SV2B: variants seen among roughly 807,000 people sequenced by gnomAD.
The protein encoded by SV2B is solute carrier family 22 member B2.
A neutral mutation model predicts 73.9 loss-of-function variants in SV2B; 41 were observed. That is an observed-to-expected ratio of 0.56 (90% confidence interval 0.43 to 0.72). SV2B has a LOEUF of 0.72. SV2B is among the 30% of genes least tolerant of loss of function. The pLI is 0.00. For missense variants in SV2B, 764 were observed against 857.8 expected, an observed-to-expected ratio of 0.89 and a Z score of 1.37; for synonymous variants, 314 against 314.2, an observed-to-expected ratio of 1.00 and a Z score of 0.01.
chr15:91,250,282 G>A (rs1407083240), intron 2 of SV2B, among the ~76,000 whole-genome samples: 1 of 152,134 alleles, frequency 6.6e-6, no homozygotes, highest in Non-Finnish European at 1.5e-5. Context: ...CATCTTAATA[G>A]ATGCAGAAAA....
chr15:91,110,008 A>G lies in SV2B; in HGVS notation c.-392+9645A>G, dbSNP rs533832552. 5.3e-5 allele frequency among the ~76,000 whole-genome samples: 8 copies of G among 152,310 alleles called. No homozygotes were observed. The highest frequency in any genetic ancestry group is 1.9e-4 in the African/African-American group (8 of 41,574). ...CCAAAGTGCTGGGATTACAGGCATG[A>G]ACCACTGCATCCACCTCGGAAATAG... On this transcript the variant is annotated intron_variant, in intron 1 of 12. Coordinates refer to ENST00000394232, the MANE Select transcript of SV2B (RefSeq NM_001323032.3). The surrounding 1 kb of genome is among the most constrained non-coding windows in gnomAD (Gnocchi z 5.4).
rs781492337 is a variant in SV2B, at chr15:91,251,940, C to T, written c.573C>T (p.Leu191=). 3.7e-6 allele frequency: 6 copies of T among 1,614,176 alleles called. No individual in the cohort carries two copies. The highest frequency in any genetic ancestry group is 1.6e-4 in the Middle Eastern group (1 of 6,062). ...SLAVNASFAS[L]SSFVQGYGAF... The stretch of plus-strand genomic sequence containing the variant: ...CCGTCAATGCCTCCTTCGCCTCCCT[C>T]TCTTCCTTCGTGCAGGGATATGGAG... The change falls in exon 3 of 13, where the codon CTC becomes CTT. Residue 191 remains leucine, a synonymous_variant. Coordinates refer to ENST00000394232, the MANE Select transcript of SV2B (RefSeq NM_001323032.3).
At position 91,284,365 on chromosome 15, in the gene SV2B, G is replaced by A. The variant is rs2048790535; in HGVS notation, c.1708+144G>A. On this transcript the variant is annotated intron_variant, in intron 11 of 12. Transcript: ENST00000394232. The surrounding 1 kb of genome is among the most constrained non-coding windows in gnomAD (Gnocchi z 4.5). ...GTAAGATTGCACCCAGGGCTATAGA[G>A]CCAAGGATGTGTGCCTACAGAAGAC... is the stretch of plus-strand genomic sequence containing the variant. 1.1e-6 allele frequency: 1 copy of A among 889,094 alleles called. No homozygotes were observed. Among genetic ancestry groups the A allele is most frequent in the Non-Finnish European group, 1.7e-6 (1 of 595,632 alleles). The allele number at this position is 889,094 out of a possible 1,614,324, so 55.1% of individuals were successfully genotyped here.
Position 91,258,262 on chromosome 15 carries a change from CAG to C in SV2B, c.785-157_785-156del, listed in dbSNP as rs948651764. On this transcript the variant is annotated intron_variant, in intron 4 of 12. Transcript: ENST00000394232. The surrounding 1 kb of genome is among the most constrained non-coding windows in gnomAD (Gnocchi z 4.7). ...CAGCTCCTATCCCAGGCTTATGACT[CAG>C]AAGCTTCGGAGGCACAGCTGAGGAG... 6.6e-6 allele frequency among the ~76,000 whole-genome samples: 1 copy of C among 152,192 alleles called. No homozygotes were observed. The highest frequency in any genetic ancestry group is 2.4e-5 in the African/African-American group (1 of 41,440).
Position 91,194,756 on chromosome 15 carries a change from C to G in SV2B, c.-391-31117C>G, listed in dbSNP as rs552279521. 6.6e-5 allele frequency among the ~76,000 whole-genome samples: 10 copies of G among 152,302 alleles called. No homozygotes were observed. In the East Asian group the frequency reaches 1.9e-3, roughly 29 times the overall value. ...TTGGGTTTAGGTCCTGATGCTGTTA[C>G]TCCTTGTGGTGGGCTGTACTACTTG... On this transcript the variant is annotated intron_variant, in intron 1 of 12. Transcript: ENST00000394232.
chr15:91,151,100 G>A (rs1350498839), intron 1 of SV2B, among the ~76,000 whole-genome samples: 1 of 152,238 alleles, frequency 6.6e-6, no homozygotes, highest in Non-Finnish European at 1.5e-5. Flanking sequence ...CCATGAGCGT[G>A]GAGCTCTGCC....
At position 91,261,355 on chromosome 15, in the gene SV2B, C is replaced by T. The variant is rs1204535058; in HGVS notation, c.1008+946C>T. Among the ~76,000 whole-genome samples the T allele has an allele frequency of 1.3e-5, 2 of 152,104 alleles. No individual in the cohort carries two copies. The highest frequency in any genetic ancestry group is 2.9e-5 in the Non-Finnish European group (2 of 68,006). ...ACATATTATTTAATAGTATAGCACTCATTATTGTTTTATATGCTGTCTCCT... is the reference window on the plus strand; with the variant it reads ...ACATATTATTTAATAGTATAGCACTTATTATTGTTTTATATGCTGTCTCCT... On this transcript the variant is annotated intron_variant, in intron 6 of 12. Coordinates refer to ENST00000394232, the MANE Select transcript of SV2B (RefSeq NM_001323032.3). The surrounding 1 kb of genome is among the most constrained non-coding windows in gnomAD (Gnocchi z 4.7).
Position 91,242,005 on chromosome 15 carries a change from C to G in SV2B, c.452-9814C>G, listed in dbSNP as rs770319631. On this transcript the variant is annotated intron_variant, in intron 2 of 12. Coordinates refer to ENST00000394232, the MANE Select transcript of SV2B (RefSeq NM_001323032.3). The surrounding 1 kb of genome is among the most constrained non-coding windows in gnomAD (Gnocchi z 4.9). Reference sequence around the variant, plus strand: ...AAGCAGGAGTTAATCCTCGCCTCTTCAGAAACCTGCTCTTGTCTAGATCAC... The same window carrying G: ...AAGCAGGAGTTAATCCTCGCCTCTTGAGAAACCTGCTCTTGTCTAGATCAC... Among the ~76,000 whole-genome samples, 8 of 135,922 alleles carry G rather than the reference C, an allele frequency of 5.9e-5. No individual in the cohort carries two copies. The highest frequency in any genetic ancestry group is 9.1e-5 in the Non-Finnish European group (6 of 65,922). The allele number at this position is 135,922 out of a possible 152,430, so 89.2% of individuals were successfully genotyped here. A position where few individuals can be genotyped will look rare whatever the true frequency, so the allele number is the denominator to read the frequency against.
chr15:91,111,440 G>T (rs1057227124), intron 1 of SV2B, among the ~76,000 whole-genome samples: 2 of 152,220 alleles, frequency 1.3e-5, no homozygotes, highest in African/African-American at 4.8e-5. Context: ...AGAGTACAAG[G>T]TGGGGAGGTA....
intron 1 of SV2B, among the ~76,000 whole-genome samples, chr15:91,180,675 T>G (rs1347024117): frequency 6.6e-6 from 1 of 152,268 alleles, no homozygotes; most frequent in African/African-American, 2.4e-5. Context: ...TTTCTTCCAG[T>G]TGATCGCATC....
In SV2B at chr15:91,224,889, T is replaced by A. The variant is rs1298160209; in HGVS notation, c.-391-984T>A. On this transcript the variant is annotated intron_variant, in intron 1 of 12. Transcript: ENST00000394232. The surrounding 1 kb of genome is among the most constrained non-coding windows in gnomAD (Gnocchi z 4.9). ...AATGAGAATCCACTGGGCAAAGGAG[T>A]CAACAGAGGGACTCTGATTGGAATT... is the stretch of plus-strand genomic sequence containing the variant. Among the ~76,000 whole-genome samples the A allele has an allele frequency of 6.6e-6, 1 of 151,834 alleles. No individual in the cohort carries two copies. The highest frequency in any genetic ancestry group is 1.5e-5 in the Non-Finnish European group (1 of 67,968).
rs996669444 is a variant in SV2B, at chr15:91,239,344, C to T, written c.452-12475C>T. 8.6e-5 allele frequency among the ~76,000 whole-genome samples: 13 copies of T among 151,918 alleles called. No homozygotes were observed. The highest frequency in any genetic ancestry group is 1.8e-4 in the Non-Finnish European group (12 of 67,998). On this transcript the variant is annotated intron_variant, in intron 2 of 12. Coordinates refer to ENST00000394232, the MANE Select transcript of SV2B (RefSeq NM_001323032.3). This position sits in a 1 kb window ranked among gnomAD's most constrained non-coding sequence, Gnocchi z 5.1. ...GCCTTGTCCTCTCTGCCTCACCTCTCGGTGGGTCCTAGAAAAGGAAGTCTT... is the reference window on the plus strand; with the variant it reads ...GCCTTGTCCTCTCTGCCTCACCTCTTGGTGGGTCCTAGAAAAGGAAGTCTT...
Position 91,268,733 on chromosome 15 carries a change from T to C in SV2B, c.1373+128T>C. Reference sequence around the variant, plus strand: ...ATGAGCGCCAAGGCTGGTGTCATCATCACAACCTGTCATGGCTGCCAGTGA... The same window carrying C: ...ATGAGCGCCAAGGCTGGTGTCATCACCACAACCTGTCATGGCTGCCAGTGA... On this transcript the variant is annotated intron_variant, in intron 9 of 12. Coordinates refer to ENST00000394232, the MANE Select transcript of SV2B (RefSeq NM_001323032.3). This position sits in a 1 kb window ranked among gnomAD's most constrained non-coding sequence, Gnocchi z 4.4. 1 of 1,225,408 alleles carries C rather than the reference T, an allele frequency of 8.2e-7. No individual in the cohort carries two copies. Among genetic ancestry groups the C allele is most frequent in the South Asian group, 1.6e-5 (1 of 62,150 alleles). The allele number at this position is 1,225,408 out of a possible 1,614,324, so 75.9% of individuals were successfully genotyped here. A position where few individuals can be genotyped will look rare whatever the true frequency, so the allele number is the denominator to read the frequency against.
chr15:91,181,495 C>A (rs1279252664), intron 1 of SV2B, among the ~76,000 whole-genome samples: 3 of 151,760 alleles, frequency 2.0e-5, no homozygotes, highest in African/African-American at 7.3e-5. Context: ...AATTTTCTTA[C>A]ATTAATTTGC....
chr15:91,271,118 TGGTGAATCCTGTGGATGATGGGTGGAC>T (rs1479614715), intron 9 of SV2B, among the ~76,000 whole-genome samples: 5 of 150,582 alleles, frequency 3.3e-5, no homozygotes, highest in East Asian at 4.0e-4. Flanking sequence ...GATGGGTGGA[TGGTGAATCCTGTGGATGATGGGTGGAC>T]GGTGAATCCT....
At position 91,251,893 on chromosome 15, in the gene SV2B, C is replaced by G. The variant is rs770360729; in HGVS notation, c.526C>G (p.Arg176Gly). The G allele has an allele frequency of 1.2e-6, 2 of 1,614,050 alleles. No individual in the cohort carries two copies. Among genetic ancestry groups the G allele is most frequent in the Non-Finnish European group, 1.7e-6 (2 of 1,180,040 alleles). The part of the protein sequence containing the change: ...GGLADKLGRK[R>G]VLSMSLAVNA... Reference sequence around the variant, plus strand: ...CCTGGCTGATAAGCTGGGAAGGAAGCGAGTCCTCAGCATGTCTCTGGCCGT... The same window carrying G: ...CCTGGCTGATAAGCTGGGAAGGAAGGGAGTCCTCAGCATGTCTCTGGCCGT... Residue 176 changes from arginine to glycine, a missense_variant, in exon 3 of 13, where the codon CGA becomes GGA. By Grantham distance (125) the Arg-to-Gly change is moderately radical. Coordinates refer to ENST00000394232, the MANE Select transcript of SV2B (RefSeq NM_001323032.3).
chr15:91,212,998 C>T (rs924314361), intron 1 of SV2B, among the ~76,000 whole-genome samples: 10 of 139,534 alleles, frequency 7.2e-5, no homozygotes, highest in African/African-American at 1.7e-4. Context: ...AAAAAAAATA[C>T]GAAAATTAGC....
At chr15:91,244,278 G>A (rs2047140288) in intron 2 of SV2B, among the ~76,000 whole-genome samples, 1 of 152,236 alleles carries the variant, frequency 6.6e-6, no homozygotes, top group African/African-American at 2.4e-5. Flanking sequence ...ATCAACAAAT[G>A]TTAATTCTTT....
chr15:91,178,497 A>T (rs1159923070), intron 1 of SV2B, among the ~76,000 whole-genome samples: 1 of 152,136 alleles, frequency 6.6e-6, no homozygotes, highest in African/African-American at 2.4e-5. Flanking sequence ...CTCTGGTAGA[A>T]TTCGGCTGTG....
Sources: allele counts gnomAD v4.1 joint callset (sites outside exome capture counted in the v4.1 genomes callset), GRCh38; gene constraint gnomAD v4.1.1; non-coding constraint Gnocchi (gnomAD v3.1); transcripts MANE v1.5; gene names NCBI Gene and HGNC (gene_info 2026-07-23, HGNC 2026-07-21).